PTPRD: variants seen among roughly 807,000 people sequenced by gnomAD.
PTPRD encodes the protein receptor-type tyrosine-protein phosphatase delta.
In PTPRD, 34 loss-of-function variants were observed where a neutral mutation model predicts 214.5. That is an observed-to-expected ratio of 0.16 (90% CI 0.12 to 0.21). The LOEUF (loss-of-function observed/expected upper bound fraction) is 0.21. Among genes scored for constraint, PTPRD ranks in the 10% least tolerant of loss-of-function variants. The probability of loss-of-function intolerance (pLI) is 1.00; values close to 1 mark genes in which losing one functional copy is unlikely to be tolerated. For missense variants in PTPRD, 2,545 were observed against 2,398.7 expected (o/e 1.06, Z -1.27); for synonymous variants, 1,128 against 845.7 (o/e 1.33, Z -5.79).
At chr9:10,410,532 T>C (rs2098423511) in intron 2 of PTPRD, among the ~76,000 whole-genome samples, 1 of 151,268 alleles carries the variant, frequency 6.6e-6, no homozygotes, top group African/African-American at 2.4e-5. Flanking sequence ...GTCTCCAAAA[T>C]TTAGGGACAT....
At chr9:9,937,245 T>A (rs2089852674) in intron 5 of PTPRD, among the ~76,000 whole-genome samples, 1 of 151,240 alleles carries the variant, frequency 6.6e-6, no homozygotes. Flanking sequence ...AAATAAAAAA[T>A]AAAAAATAAA....
intron 3 of PTPRD, among the ~76,000 whole-genome samples, chr9:10,169,855 T>C (rs1460432286): frequency 1.3e-5 from 2 of 152,164 alleles, no homozygotes; most frequent in African/African-American, 4.8e-5. Context: ...AAATCCATGC[T>C]AGTATGCTCA....
chr9:8,335,672 G>A (rs566799374), intron 43 of PTPRD, among the ~76,000 whole-genome samples: 1 of 152,074 alleles, frequency 6.6e-6, no homozygotes, highest in Non-Finnish European at 1.5e-5. Flanking sequence ...GAAGTAACGG[G>A]TATTCAATTA....
At chr9:8,906,278 T>C (rs2098707139) in intron 11 of PTPRD, among the ~76,000 whole-genome samples, 1 of 152,216 alleles carries the variant, frequency 6.6e-6, no homozygotes, top group African/African-American at 2.4e-5. Flanking sequence ...GCACTGTTTT[T>C]TTAAGCACTT....
chr9:9,785,258 G>A (rs748958741), intron 5 of PTPRD, among the ~76,000 whole-genome samples: 2 of 151,920 alleles, frequency 1.3e-5, no homozygotes, highest in South Asian at 2.1e-4. Context: ...GGCAAGATTC[G>A]CAAGGGATAC....
intron 2 of PTPRD, among the ~76,000 whole-genome samples, chr9:10,347,686 A>C (rs549169782): frequency 1.6e-4 from 24 of 152,028 alleles, no homozygotes; most frequent in Admixed American, 6.5e-4. Flanking sequence ...CTGAGATTAC[A>C]GGCGTGAGTC....
At chr9:9,423,849 GA>G (rs1569568198) in intron 8 of PTPRD, among the ~76,000 whole-genome samples, 1 of 152,040 alleles carries the variant, frequency 6.6e-6, no homozygotes. Context: ...GAGAAGAAAA[GA>G]ATAAATAATG....
At chr9:9,077,014 T>C (rs1325158262) in intron 10 of PTPRD, among the ~76,000 whole-genome samples, 2 of 152,126 alleles carry the variant, frequency 1.3e-5, no homozygotes, top group East Asian at 1.9e-4. Context: ...GATAAGGTGA[T>C]CTTATTGCAG....
At chr9:8,429,956 C>G (rs1448598178) in intron 35 of PTPRD, among the ~76,000 whole-genome samples, 1 of 152,180 alleles carries the variant, frequency 6.6e-6, no homozygotes, top group Admixed American at 6.5e-5. Flanking sequence ...AACTAGATGT[C>G]TGATGACTGT....
intron 2 of PTPRD, among the ~76,000 whole-genome samples, chr9:10,609,226 T>A (rs2080299307): frequency 6.6e-6 from 1 of 152,078 alleles, no homozygotes; most frequent in Non-Finnish European, 1.5e-5. Context: ...AGTAGCTAGA[T>A]CAATAGAGAC....
At chr9:9,297,382 A>T (rs1443020773) in intron 9 of PTPRD, among the ~76,000 whole-genome samples, 1 of 151,658 alleles carries the variant, frequency 6.6e-6, no homozygotes, top group Non-Finnish European at 1.5e-5. Context: ...AACAGAAAAG[A>T]GGCCAAATCT....
At chr9:10,358,160 C>A (rs1177168227) in intron 2 of PTPRD, among the ~76,000 whole-genome samples, 1 of 151,966 alleles carries the variant, frequency 6.6e-6, no homozygotes, top group South Asian at 2.1e-4. Flanking sequence ...CAAATATGTA[C>A]ATATATTATG....
Position 10,541,096 on chromosome 9 carries a change from C to T in PTPRD, c.-600+71302G>A, listed in dbSNP as rs188169375. 1.6e-3 allele frequency among the ~76,000 whole-genome samples: 240 copies of T among 152,266 alleles called. 1 individual carries two copies. The highest frequency in any genetic ancestry group is 5.7e-3 in the African/African-American group (235 of 41,546). On this transcript the variant is annotated intron_variant, in intron 2 of 45. Transcript: ENST00000381196. ...TGAAAAAGAGACTATTTTCCATATG[C>T]TTCCTTTATTTATCTGCTTTATGGC...
chr9:9,370,926 A>G (rs1347550814), intron 9 of PTPRD, among the ~76,000 whole-genome samples: 4 of 151,986 alleles, frequency 2.6e-5, no homozygotes, highest in Non-Finnish European at 1.5e-5. Flanking sequence ...ATTGATTTGC[A>G]TATGTTGAAC....
At position 8,787,222 on chromosome 9, in the gene PTPRD, C is replaced by T. The variant is rs111620482; in HGVS notation, c.-103-53276G>A. ...CATAGTTACCTTGGGAAGCTAGACA[C>T]TCATGCTGCTTAAGCAGATTTTTCT... On this transcript the variant is annotated intron_variant, in intron 11 of 45. Transcript: ENST00000381196. 5.9e-3 allele frequency among the ~76,000 whole-genome samples: 905 copies of T among 152,310 alleles called. 9 individuals carry two copies. The highest frequency in any genetic ancestry group is 0.02 in the African/African-American group (826 of 41,554).
In PTPRD at chr9:8,328,220, C is replaced by A. The variant is rs561191092; in HGVS notation, c.5534+3362G>T. Reference sequence around the variant, plus strand: ...TCTTGTAAGGCAGGCCTGGTGGTGACAAAATCTCTCAGCATTTGCTTGTCT... The same window carrying A: ...TCTTGTAAGGCAGGCCTGGTGGTGAAAAAATCTCTCAGCATTTGCTTGTCT... On this transcript the variant is annotated intron_variant, in intron 44 of 45. Transcript: ENST00000381196. Among the ~76,000 whole-genome samples, 12 of 152,262 alleles carry A rather than the reference C, an allele frequency of 7.9e-5. 1 individual carries two copies. The South Asian group carries it at 2.3e-3, about 29-fold the overall frequency.
chr9:10,326,563 C>T (rs76425546), intron 3 of PTPRD, among the ~76,000 whole-genome samples: 1,701 of 151,496 alleles, frequency 0.011, 23 homozygotes, highest in African/African-American at 0.038. Flanking sequence ...TTTTTACACC[C>T]ATTTTTTACT....
Position 10,418,282 on chromosome 9 carries a change from T to C in PTPRD, c.-599-77265A>G, listed in dbSNP as rs114876076. On this transcript the variant is annotated intron_variant, in intron 2 of 45. Coordinates refer to ENST00000381196, the MANE Select transcript of PTPRD (RefSeq NM_002839.4). ...AGCATTATGTTTCCCAATGGTATAA[T>C]TTTAAACACTGTCTATAAATGAAAA... Among the ~76,000 whole-genome samples, 296 of 151,996 alleles carry C rather than the reference T, an allele frequency of 1.9e-3. 4 individuals carry two copies. The highest frequency in any genetic ancestry group is 6.9e-3 in the African/African-American group (286 of 41,528).
At chr9:9,453,022 T>TTA (rs765539791) in intron 8 of PTPRD, among the ~76,000 whole-genome samples, 2 of 107,738 alleles carry the variant, frequency 1.9e-5, no homozygotes, top group Non-Finnish European at 4.0e-5. Context: ...CCTATTTTAT[T>TTA]TTTTTTTTTT....
Sources: allele counts gnomAD v4.1 joint callset (sites outside exome capture counted in the v4.1 genomes callset), GRCh38; gene constraint gnomAD v4.1.1; transcripts MANE v1.5; gene names NCBI Gene and HGNC (gene_info 2026-07-23, HGNC 2026-07-21).